Variants in CADM2 observed in about 807,000 individuals in gnomAD.
CADM2 encodes immunoglobulin superfamily member 4D.
Under a neutral mutation model 49.8 loss-of-function variants are expected in CADM2, and 12 were observed. The ratio of observed to expected loss-of-function variants is 0.24; its 90% confidence interval spans 0.15 to 0.39. The LOEUF (loss-of-function observed/expected upper bound fraction) is 0.39, where lower values mean the gene tolerates loss of function less well. Among genes scored for constraint, CADM2 ranks in the 10% least tolerant of loss-of-function variants. The pLI, the probability that CADM2 is intolerant of heterozygous loss-of-function variation, is 1.00. For missense variants in CADM2, 378 were observed against 492.3 expected, an observed-to-expected ratio of 0.77 and a Z score of 2.20; for synonymous variants, 214 against 175.4, an observed-to-expected ratio of 1.22 and a Z score of -1.74.
intron 1 of CADM2, among the ~76,000 whole-genome samples, chr3:85,408,028 A>AAAAAG: frequency 6.6e-6 from 1 of 150,478 alleles, no homozygotes; most frequent in South Asian, 2.1e-4. Context: ...AAAAAAAAAA[A>AAAAAG]AAGAAGAAGA....
intron 1 of CADM2, among the ~76,000 whole-genome samples, chr3:85,175,452 T>C (rs1396448366): frequency 6.6e-6 from 1 of 152,160 alleles, no homozygotes; most frequent in Admixed American, 6.5e-5. Context: ...AATTCTGACA[T>C]GTGCTACAGT....
chr3:85,162,231 A>G (rs891093495), intron 1 of CADM2, among the ~76,000 whole-genome samples: 5 of 152,182 alleles, frequency 3.3e-5, no homozygotes, highest in African/African-American at 4.8e-5. Flanking sequence ...CTGTCTCATT[A>G]TAAAGAAGAG....
chr3:85,833,518 G>T (rs2074273877), intron 3 of CADM2, among the ~76,000 whole-genome samples: 1 of 151,744 alleles, frequency 6.6e-6, no homozygotes, highest in South Asian at 2.1e-4. Flanking sequence ...ACCTGATATT[G>T]GTTTGTTCAG....
chr3:85,022,235 T>C (rs1312880517), intron 1 of CADM2, among the ~76,000 whole-genome samples: 13 of 152,200 alleles, frequency 8.5e-5, no homozygotes, highest in African/African-American at 3.1e-4. Flanking sequence ...ATTTCCCATA[T>C]GCAAATGTTC....
chr3:85,606,280 A>G (rs2063535671), intron 1 of CADM2, among the ~76,000 whole-genome samples: 1 of 152,044 alleles, frequency 6.6e-6, no homozygotes, highest in Admixed American at 6.6e-5. Flanking sequence ...TCTCCTTTCA[A>G]TTATTCTAAT....
intron 1 of CADM2, among the ~76,000 whole-genome samples, chr3:85,521,333 T>A (rs2061022423): frequency 6.6e-6 from 1 of 152,162 alleles, no homozygotes; most frequent in Admixed American, 6.6e-5. Context: ...AAGAATTACA[T>A]ATCCATGTAT....
chr3:86,015,990 T>C (rs1256163568), intron 8 of CADM2, among the ~76,000 whole-genome samples: 2 of 152,180 alleles, frequency 1.3e-5, no homozygotes, highest in African/African-American at 4.8e-5. Context: ...AAAATCCATT[T>C]TGTATAGTTT....
At chr3:85,262,925 T>A in intron 1 of CADM2, among the ~76,000 whole-genome samples, 1 of 133,986 alleles carries the variant, frequency 7.5e-6, no homozygotes, top group Non-Finnish European at 1.5e-5. Context: ...ACTCTGTATG[T>A]GTATGTGTAA....
At chr3:85,119,398 A>G (rs1007236119) in intron 1 of CADM2, among the ~76,000 whole-genome samples, 1 of 152,160 alleles carries the variant, frequency 6.6e-6, no homozygotes, top group Admixed American at 6.5e-5. Flanking sequence ...TGGTTACTGT[A>G]GGCTTGTAGT....
chr3:85,944,702 G>A (rs1722414824), intron 7 of CADM2, among the ~76,000 whole-genome samples: 1 of 152,036 alleles, frequency 6.6e-6, no homozygotes, highest in Non-Finnish European at 1.5e-5. Context: ...AATGAAGGCA[G>A]AAATAAAGAT....
chr3:85,916,661 A>G (rs1397879868), intron 6 of CADM2, among the ~76,000 whole-genome samples: 2 of 151,998 alleles, frequency 1.3e-5, no homozygotes, highest in East Asian at 1.9e-4. Flanking sequence ...TAGCAGCATG[A>G]TTTATAATCC....
chr3:85,610,936 C>T (rs905365754), intron 1 of CADM2, among the ~76,000 whole-genome samples: 2 of 151,902 alleles, frequency 1.3e-5, no homozygotes, highest in African/African-American at 4.8e-5. Context: ...ATCATATACT[C>T]CGTTCTCTGG....
At chr3:85,588,976 C>A (rs1576877622) in intron 1 of CADM2, among the ~76,000 whole-genome samples, 3 of 151,896 alleles carry the variant, frequency 2.0e-5, no homozygotes, top group African/African-American at 4.8e-5. Flanking sequence ...CTTGTGTTTC[C>A]CAAATGGCTA....
At chr3:85,585,612 T>A (rs2062921552) in intron 1 of CADM2, among the ~76,000 whole-genome samples, 1 of 152,032 alleles carries the variant, frequency 6.6e-6, no homozygotes. Context: ...ACTGACGATC[T>A]TGAAACATAC....
intron 1 of CADM2, among the ~76,000 whole-genome samples, chr3:85,580,094 A>T (rs1408563551): frequency 6.6e-6 from 1 of 152,146 alleles, no homozygotes; most frequent in Non-Finnish European, 1.5e-5. Context: ...ACATAATCTC[A>T]GTTTACACCA....
intron 1 of CADM2, among the ~76,000 whole-genome samples, chr3:85,682,629 T>C (rs1395979372): frequency 6.6e-6 from 1 of 152,062 alleles, no homozygotes; most frequent in Non-Finnish European, 1.5e-5. Flanking sequence ...AAAATAAACA[T>C]TTATACAGTA....
intron 8 of CADM2, chr3:85,979,285 T>C (rs778536702): frequency 5.6e-6 from 9 of 1,609,508 alleles, no homozygotes; most frequent in African/African-American, 1.3e-5. Flanking sequence ...GCATCAGAGG[T>C]ACAGTATGTT....
chr3:85,253,042 A>T (rs1342384784), intron 1 of CADM2, among the ~76,000 whole-genome samples: 1 of 152,110 alleles, frequency 6.6e-6, no homozygotes, highest in Non-Finnish European at 1.5e-5. Context: ...CACAGCAAAA[A>T]CAAACAAGCA....
At chr3:85,498,867 C>A (rs1229837988) in intron 1 of CADM2, among the ~76,000 whole-genome samples, 2 of 152,080 alleles carry the variant, frequency 1.3e-5, no homozygotes, top group Non-Finnish European at 2.9e-5. Context: ...AGGGAATTAA[C>A]TGTGTACAAT....
Sources: allele counts gnomAD v4.1 joint callset (sites outside exome capture counted in the v4.1 genomes callset), GRCh38; gene constraint gnomAD v4.1.1; transcripts MANE v1.5; gene names NCBI Gene and HGNC (gene_info 2026-07-23, HGNC 2026-07-21).